Variants in DCTN1 observed in about 807,000 individuals in gnomAD.
DCTN1 encodes the protein dynactin subunit 1, also known as 150 kDa dynein-associated polypeptide.
DCTN1 carries 61 observed loss-of-function variants against 161.2 expected under a neutral mutation model. The ratio of observed to expected loss-of-function variants is 0.38; its 90% CI spans 0.31 to 0.47. The LOEUF is 0.47. Among genes scored for constraint, DCTN1 ranks in the 20% least tolerant of loss-of-function variants. The pLI is 0.99. For synonymous variants in DCTN1, 653 were observed against 632.4 expected (o/e 1.03, Z -0.49); for missense variants, 1,404 against 1,623.7 (o/e 0.86, Z 2.33).
chr2:74,365,820 C>A, intron 24 of DCTN1, 73 bp downstream of exon 24: 2 of 1,613,678 alleles, frequency 1.2e-6, no homozygotes, highest in South Asian at 1.1e-5. Flanking sequence ...TGGTCCCGAT[C>A]CCCAACACTC....
At chr2:74,380,683 TGTGAGTA>T, upstream of DCTN1, 2 of 414,450 alleles carry the variant, frequency 4.8e-6, no homozygotes, top group Non-Finnish European at 1.0e-5. Context: ...TCCAAATTCA[TGTGAGTA>T]GGGCCTGGAT....
rs1403988786 is a variant in DCTN1 at position 74,376,763 on chromosome 2, C to CT, written c.394-2dup. ...CCACCTTCTTAGGCTTCAGTCCCCG[C>CT]TGCATGAGGAGTAGGAAAGGGCAGA... On this transcript the variant is annotated splice_acceptor_variant, in intron 4 of 31. Coordinates refer to ENST00000628224, the MANE Select transcript of DCTN1 (RefSeq NM_004082.5). LOFTEE classifies it high-confidence loss of function. 1 of 1,604,440 alleles carries CT rather than the reference C, an allele frequency of 6.2e-7. No homozygotes were observed. The highest frequency in any genetic ancestry group is 8.5e-7 in the Non-Finnish European group (1 of 1,175,494).
upstream of DCTN1, among the ~76,000 whole-genome samples, chr2:74,383,302 G>C: frequency 6.6e-6 from 1 of 152,130 alleles, no homozygotes. Flanking sequence ...TCCTCTTTAT[G>C]ATCCAATAGC....
chr2:74,379,236 T>C (rs771310682), intron 1 of DCTN1, among the ~76,000 whole-genome samples: 1 of 152,178 alleles, frequency 6.6e-6, no homozygotes, highest in East Asian at 1.9e-4. Context: ...AGCAACTCCA[T>C]GAACCAGGGG....
At position 74,371,720 on chromosome 2, in the gene DCTN1, G is replaced by A. The variant is rs761883385; in HGVS notation, c.462C>T (p.Arg154=). 2 of 1,608,338 alleles carry A rather than the reference G, an allele frequency of 1.2e-6. No homozygotes were observed. Among genetic ancestry groups the A allele is most frequent in the South Asian group, 1.1e-5 (1 of 89,638 alleles). Residue 154 remains arginine (R), a synonymous_variant, in exon 8 of 32, where the codon CGC becomes CGT. Coordinates refer to ENST00000628224, the MANE Select transcript of DCTN1 (RefSeq NM_004082.5). ...CCCCAGCCACCCCAGTACTGGCTGG[G>A]CGCGTGGGCTATTCAGAAAGGGTAG... ...KTTTRRPKPT[R]PASTGVAGAS...
Position 74,367,806 on chromosome 2 carries a change from T to C in DCTN1, c.2074A>G (p.Met692Val), listed in dbSNP as rs1205142489. Residue 692 changes from methionine to valine, a missense_variant, in exon 18 of 32, where the codon ATG becomes GTG. Transcript: ENST00000628224. ...TCCAAGGAGCGCTCATGGGCACTCA[T>C]CTCAGGGTACAGGCTGCCCACTTTC... is the stretch of plus-strand genomic sequence containing the variant. ...YKKVGSLYPE[M>V]SAHERSLDFL... 5 of 1,614,150 alleles carry C rather than the reference T, an allele frequency of 3.1e-6. No homozygotes were observed. Among genetic ancestry groups the C allele is most frequent in the South Asian group, 2.2e-5 (2 of 91,088 alleles).
At position 74,365,607 on chromosome 2, in the gene DCTN1, C is replaced by T. The variant is rs1674346771; in HGVS notation, c.2937G>A (p.Lys979=). ...CTGCATCCTTGGCAGCACTGTCCAA[C>T]TTCTTCTCCAGGAGGCTCAGCCGCA... ...ANVRLSLLEK[K]LDSAAKDADE... is the part of the protein sequence containing the mutation. The change falls in exon 25 of 32, where the codon AAG becomes AAA. Residue 979 remains lysine, a synonymous_variant. Coordinates refer to ENST00000628224, the MANE Select transcript of DCTN1 (RefSeq NM_004082.5). 1.9e-6 allele frequency: 3 copies of T among 1,614,064 alleles called. No individual in the cohort carries two copies. Among genetic ancestry groups the T allele is most frequent in the Admixed American group, 3.3e-5 (2 of 60,012 alleles).
intron 27 of DCTN1, 90 bp from the exon 28 acceptor site, chr2:74,363,517 C>T (rs781741851): frequency 1.3e-4 from 209 of 1,596,512 alleles, no homozygotes; most frequent in Non-Finnish European, 3.0e-5. Context: ...CCTCATCCCC[C>T]CATCACCCAT....
chr2:74,363,626 C>T lies in DCTN1; in HGVS notation c.3199G>A (p.Glu1067Lys), dbSNP rs376996779. ...AGTGGGTCTCTACCTCGCTGCTGTT[C>T]TTCTGTGCTCGGGATAGCCCATGGG... ...ATLVSGIAGE[E>K]QQRGAIPGQA... Residue 1067 changes from glutamate (E) to lysine (K), a missense_variant and splice_region_variant, in exon 27 of 32, where the codon GAA (glutamate) becomes AAA (lysine). Transcript: ENST00000628224. 3.1e-6 allele frequency: 5 copies of T among 1,613,804 alleles called. No homozygotes were observed. The South Asian group carries it at 3.3e-5, about 11-fold the overall frequency.
intron 7 of DCTN1, chr2:74,371,975 TA>T (rs895906270): frequency 3.9e-6 from 2 of 512,312 alleles, no homozygotes; most frequent in Non-Finnish European, 7.1e-6. Context: ...GAGGAAAAGA[TA>T]AGAGAAAGAC....
chr2:74,374,089 TG>T, intron 6 of DCTN1: 1 of 583,642 alleles, frequency 1.7e-6, no homozygotes, highest in Non-Finnish European at 3.2e-6. Context: ...GTGAGGCCAC[TG>T]GGTGTTAAGG....
At position 74,363,281 on chromosome 2, in the gene DCTN1, G is replaced by A. The variant is rs376707439; in HGVS notation, c.3345+13C>T. On this transcript the variant is annotated intron_variant, in intron 28 of 31. Transcript: ENST00000628224. ...TCCATCTCCCATCCCAGTCCTCCCC[G>A]TGGCTCCCTCACCTTGAGGATGCTG... is the stretch of plus-strand genomic sequence containing the variant. 1.3e-4 allele frequency: 205 copies of A among 1,614,072 alleles called. No individual in the cohort carries two copies. Among genetic ancestry groups the A allele is most frequent in the Non-Finnish European group, 1.6e-4 (184 of 1,179,998 alleles).
chr2:74,369,014 C>A lies in DCTN1; in HGVS notation c.1701+84G>T. ...GTCTTCCAAACCACCACACAAAGCACCCCTTCCCCCAGGAATCTGAAGCCC... is the reference window on the plus strand; with the variant it reads ...GTCTTCCAAACCACCACACAAAGCAACCCTTCCCCCAGGAATCTGAAGCCC... On this transcript the variant is annotated intron_variant, in intron 15 of 31. Coordinates refer to ENST00000628224, the MANE Select transcript of DCTN1 (RefSeq NM_004082.5). This position sits in a 1 kb window ranked among gnomAD's most constrained non-coding sequence, Gnocchi z 4.9. 1 of 1,561,654 alleles carries A rather than the reference C, an allele frequency of 6.4e-7. No individual in the cohort carries two copies.
chr2:74,361,309 A>C lies in DCTN1; in HGVS notation c.*190T>G. 1 of 797,552 alleles carries C rather than the reference A, an allele frequency of 1.3e-6. No individual in the cohort carries two copies. The highest frequency in any genetic ancestry group is 2.7e-5 in the East Asian group (1 of 36,810). 49.4% of individuals were successfully genotyped at this position (797,552 alleles called of 1,614,324 possible). Reference sequence around the variant, plus strand: ...TGAACAACAAATTATGGCAGAGGCCAGGGAATGGGAGTGGGGGAACCCGGG... The same window carrying C: ...TGAACAACAAATTATGGCAGAGGCCCGGGAATGGGAGTGGGGGAACCCGGG... On this transcript the variant is annotated 3_prime_UTR_variant, in exon 32 of 32. Coordinates refer to ENST00000628224, the MANE Select transcript of DCTN1 (RefSeq NM_004082.5).
At chr2:74,367,561 G>A in intron 18 of DCTN1, 135 bp downstream of exon 18, 1 of 1,480,928 alleles carries the variant, frequency 6.8e-7, no homozygotes, top group Non-Finnish European at 9.3e-7. Flanking sequence ...TGCATCATAT[G>A]GAGAGTTCAT....
upstream of DCTN1, among the ~76,000 whole-genome samples, chr2:74,384,022 A>G (rs1324322954): frequency 6.6e-6 from 1 of 152,210 alleles, no homozygotes; most frequent in Admixed American, 6.5e-5. Flanking sequence ...TGAATAAGTA[A>G]ATGAATAAAT....
chr2:74,385,833 G>GT (rs1675702036), intron 1 of DCTN1: 1 of 152,102 alleles, frequency 6.6e-6, no homozygotes, highest in Middle Eastern at 3.2e-3. Flanking sequence ...CCTACAAATT[G>GT]TATCTGTCAC....
At position 74,376,772 on chromosome 2, in the gene DCTN1, G is replaced by A. The variant is rs541163314; in HGVS notation, c.394-10C>T. 4 of 1,602,756 alleles carry A rather than the reference G, an allele frequency of 2.5e-6. No homozygotes were observed. Among genetic ancestry groups the A allele is most frequent in the Non-Finnish European group, 3.4e-6 (4 of 1,174,690 alleles). On this transcript the variant is annotated splice_polypyrimidine_tract_variant and intron_variant, in intron 4 of 31. Transcript: ENST00000628224. ...TAGGCTTCAGTCCCCGCTGCATGAGGAGTAGGAAAGGGCAGAGTTAGAGAA... is the reference window on the plus strand; with the variant it reads ...TAGGCTTCAGTCCCCGCTGCATGAGAAGTAGGAAAGGGCAGAGTTAGAGAA...
chr2:74,376,215 T>C (rs1334247564), intron 5 of DCTN1, among the ~76,000 whole-genome samples: 1 of 151,398 alleles, frequency 6.6e-6, no homozygotes, highest in Non-Finnish European at 1.5e-5. Flanking sequence ...TGGGGCAGAG[T>C]TGTGGGGTGT....
Sources: allele counts gnomAD v4.1 joint callset (sites outside exome capture counted in the v4.1 genomes callset), GRCh38; gene constraint gnomAD v4.1.1; non-coding constraint Gnocchi (gnomAD v3.1); transcripts MANE v1.5; gene names NCBI Gene and HGNC (gene_info 2026-07-23, HGNC 2026-07-21).